MOCOS: variants seen among roughly 807,000 people sequenced by gnomAD.
The protein encoded by MOCOS is molybdenum cofactor sulfurase.
In MOCOS, 86 loss-of-function variants were observed where a neutral mutation model predicts 83.6. The observed-to-expected ratio is 1.03, with a 90% CI of 0.86 to 1.23. The LOEUF (loss-of-function observed/expected upper bound fraction) is 1.23. Among genes scored for constraint, MOCOS ranks in the 50% most tolerant of loss-of-function variants. The pLI is 0.00. For missense variants in MOCOS, 1,120 were observed against 1,126.9 expected (o/e 0.99, Z 0.09); for synonymous variants, 445 against 434.7 (o/e 1.02, Z -0.29).
At chr18:36,254,942 T>C (rs1258601799) in intron 11 of MOCOS, among the ~76,000 whole-genome samples, 1 of 152,102 alleles carries the variant, frequency 6.6e-6, no homozygotes, top group Non-Finnish European at 1.5e-5. Context: ...CCCAGGCTGG[T>C]CTCCAACTTT....
At chr18:36,264,661 C>G (rs980063391) in intron 13 of MOCOS, among the ~76,000 whole-genome samples, 2 of 152,046 alleles carry the variant, frequency 1.3e-5, no homozygotes, top group African/African-American at 4.8e-5. Context: ...TGGTAGAGCT[C>G]CTTTCCAGCA....
intron 14 of MOCOS, among the ~76,000 whole-genome samples, 165 bp downstream of exon 14, chr18:36,267,018 AT>A (rs1598598488): frequency 6.6e-6 from 1 of 150,710 alleles, no homozygotes; most frequent in East Asian, 1.9e-4. Flanking sequence ...GTTTCATTTT[AT>A]TTTTCCTTTC....
rs1054085913 is a variant in MOCOS, at chr18:36,259,932, G to C, written c.2271-105G>C. The C allele has an allele frequency of 5.5e-6, 8 of 1,467,072 alleles. No homozygotes were observed. In the African/African-American group the frequency reaches 8.4e-5, roughly 15 times the overall value. 90.9% of individuals were successfully genotyped at this position (1,467,072 alleles called of 1,614,324 possible). ...ATTATCCAGGGCACAGGCCACAGTA[G>C]AGCTGATGAAGTTAGGTGTTACATG... On this transcript the variant is annotated intron_variant, in intron 12 of 14. Coordinates refer to ENST00000261326, the MANE Select transcript of MOCOS (RefSeq NM_017947.4).
At chr18:36,225,706 T>A (rs1041810910) in intron 9 of MOCOS, among the ~76,000 whole-genome samples, 1 of 152,150 alleles carries the variant, frequency 6.6e-6, no homozygotes, top group Non-Finnish European at 1.5e-5. Context: ...TATTTAGTAC[T>A]GCTTTTGCCA....
intron 11 of MOCOS, among the ~76,000 whole-genome samples, chr18:36,254,456 C>CTGTG (rs1317544285): frequency 5.6e-5 from 5 of 90,060 alleles, no homozygotes; most frequent in African/African-American, 1.5e-4. Context: ...AATACATTAT[C>CTGTG]TCTGTGTGTG....
intron 13 of MOCOS, among the ~76,000 whole-genome samples, chr18:36,263,595 AGTCTGGGATG>A (rs1437124207): frequency 8.5e-5 from 13 of 152,294 alleles, no homozygotes; most frequent in Admixed American, 6.5e-5. Context: ...TACATGACAC[AGTCTGGGATG>A]GTCTGGGATG....
Position 36,200,175 on chromosome 18 carries a change from G to A in MOCOS, c.792G>A (p.Lys264=). 1.2e-6 allele frequency: 2 copies of A among 1,614,188 alleles called. No individual in the cohort carries two copies. Among genetic ancestry groups the A allele is most frequent in the Non-Finnish European group, 1.7e-6 (2 of 1,180,040 alleles). ...QADFVPISFY[K]IFGFPTGLGA... is the part of the protein sequence containing the mutation. ...ACTTTGTCCCCATCTCCTTCTATAA[G>A]ATCTTCGGGTTTCCTACAGGCCTGG... Residue 264 remains lysine (K), a synonymous_variant, in exon 4 of 15, where the codon AAG becomes AAA. Transcript: ENST00000261326.
In MOCOS at chr18:36,187,610, C is replaced by T. The variant is rs1260864511; in HGVS notation, c.71C>T (p.Pro24Leu). 8.0e-7 allele frequency: 1 copy of T among 1,249,770 alleles called. No individual in the cohort carries two copies. The highest frequency in any genetic ancestry group is 4.1e-5 in the Admixed American group (1 of 24,404). 77.4% of individuals were successfully genotyped at this position (1,249,770 alleles called of 1,614,324 possible). ...TFAGSRDPSA[P>L]RLAYGYGPGS... is the part of the protein sequence containing the mutation. Reference sequence around the variant, plus strand: ...GCGGGTTCCCGGGACCCGAGCGCACCGCGGCTAGCCTACGGCTACGGCCCG... The same window carrying T: ...GCGGGTTCCCGGGACCCGAGCGCACTGCGGCTAGCCTACGGCTACGGCCCG... Residue 24 changes from proline (P) to leucine (L), a missense_variant, in exon 1 of 15, where the codon CCG becomes CTG. Coordinates refer to ENST00000261326, the MANE Select transcript of MOCOS (RefSeq NM_017947.4).
intron 9 of MOCOS, among the ~76,000 whole-genome samples, chr18:36,240,313 G>T (rs1759220083): frequency 7.8e-6 from 1 of 127,840 alleles, no homozygotes; most frequent in African/African-American, 3.1e-5. Context: ...ATGGGTTTTT[G>T]GTGTGGATGT....
At chr18:36,252,378 T>C (rs559795025) in intron 11 of MOCOS, among the ~76,000 whole-genome samples, 1 of 152,198 alleles carries the variant, frequency 6.6e-6, no homozygotes, top group African/African-American at 2.4e-5. Flanking sequence ...ACAAAAATTA[T>C]GAAACCGTAT....
At chr18:36,191,755 C>T (rs1419678423) in intron 1 of MOCOS, among the ~76,000 whole-genome samples, 4 of 93,890 alleles carry the variant, frequency 4.3e-5, no homozygotes, top group Middle Eastern at 7.4e-3. Flanking sequence ...CGTGTGCACA[C>T]ACACACACAC....
chr18:36,203,209 C>T lies in MOCOS; in HGVS notation c.1018+20C>T, dbSNP rs564769995. 48 of 1,609,532 alleles carry T rather than the reference C, an allele frequency of 3.0e-5. No individual in the cohort carries two copies. Among genetic ancestry groups the T allele is most frequent in the Non-Finnish European group, 3.7e-5 (43 of 1,175,872 alleles). ...TCACAGGTCAGTGGACATTTCTATC[C>T]CTGTGGAATTTGCTCCTGTTGTGTC... On this transcript the variant is annotated intron_variant, in intron 5 of 14. Coordinates refer to ENST00000261326, the MANE Select transcript of MOCOS (RefSeq NM_017947.4).
intron 12 of MOCOS, among the ~76,000 whole-genome samples, chr18:36,258,057 C>G (rs1195463742): frequency 6.6e-6 from 1 of 152,130 alleles, no homozygotes; most frequent in Non-Finnish European, 1.5e-5. Context: ...TGGGTATTCA[C>G]TGAGTTCTTC....
chr18:36,204,306 C>T (rs2091426222), intron 5 of MOCOS, among the ~76,000 whole-genome samples: 3 of 152,138 alleles, frequency 2.0e-5, no homozygotes, highest in African/African-American at 4.8e-5. Context: ...GGTAACTCAT[C>T]TAAGTAGAAT....
At chr18:36,234,821 G>T (rs2091551722) in intron 9 of MOCOS, among the ~76,000 whole-genome samples, 1 of 152,168 alleles carries the variant, frequency 6.6e-6, no homozygotes, top group Non-Finnish European at 1.5e-5. Context: ...GGAAGGCAAA[G>T]GGAAATGAGG....
chr18:36,265,931 A>G (rs917457391), intron 13 of MOCOS, among the ~76,000 whole-genome samples: 1 of 152,100 alleles, frequency 6.6e-6, no homozygotes, highest in Admixed American at 6.6e-5. Flanking sequence ...TTACTTAACC[A>G]TTTCTCTCCA....
In MOCOS at chr18:36,203,314, A is replaced by C; in HGVS notation, c.1018+125A>C. ...AAGTGACTGGCACTCCATGTAGTTA[A>C]ATTTGATTCCTAGTAACTTCAAAAC... On this transcript the variant is annotated intron_variant, in intron 5 of 14. Transcript: ENST00000261326. 3.4e-6 allele frequency: 3 copies of C among 894,542 alleles called. No individual in the cohort carries two copies. The South Asian group carries it at 4.1e-5, about 12-fold the overall frequency. The allele number at this position is 894,542 out of a possible 1,614,324, so 55.4% of individuals were successfully genotyped here.
rs536364941 is a variant in MOCOS at position 36,267,051 on chromosome 18, T to A, written c.2514+198T>A. ...TTTCCATCCAAGTTCTCACTTTTTT[T>A]TGTTTTACTTCATGTATTTTTATGC... On this transcript the variant is annotated intron_variant, in intron 14 of 14. Coordinates refer to ENST00000261326, the MANE Select transcript of MOCOS (RefSeq NM_017947.4). Among the ~76,000 whole-genome samples the A allele has an allele frequency of 2.0e-3, 308 of 152,144 alleles. 1 individual carries two copies. The highest frequency in any genetic ancestry group is 7.1e-3 in the African/African-American group (294 of 41,496).
chr18:36,264,900 A>T (rs879707170), intron 13 of MOCOS, among the ~76,000 whole-genome samples: 2 of 152,222 alleles, frequency 1.3e-5, no homozygotes, highest in Non-Finnish European at 2.9e-5. Context: ...TTTAAAAAAC[A>T]CACCAGAGAA....
Sources: gnomAD v4.1 joint callset for allele counts (sites outside exome capture counted in the v4.1 genomes callset) on GRCh38, gnomAD v4.1.1 for gene constraint, MANE v1.5 for transcripts, NCBI Gene and HGNC (gene_info 2026-07-23, HGNC 2026-07-21) for gene names.